GPRC5C: variants seen among roughly 807,000 people sequenced by gnomAD.
GPRC5C encodes the protein G protein-coupled receptor class C group 5 member C, also known as G protein-coupled receptor family C group 5 member C.
A neutral mutation model predicts 31.4 loss-of-function variants in GPRC5C; 22 were observed. That is an observed-to-expected ratio of 0.70 (90% CI 0.50 to 1.00). GPRC5C has a LOEUF of 1.00. Among genes scored for constraint, GPRC5C ranks in the 50% least tolerant of loss-of-function variants. The pLI, the probability that GPRC5C is intolerant of heterozygous loss-of-function variation, is 0.00. For missense variants in GPRC5C, 557 were observed against 597.2 expected, an observed-to-expected ratio of 0.93 and a Z score of 0.70; for synonymous variants, 249 against 257.5, an observed-to-expected ratio of 0.97 and a Z score of 0.32.
intron 1 of GPRC5C, 40 bp downstream of exon 1, chr17:74,432,181 G>A (rs751059145): frequency 1.3e-6 from 2 of 1,589,932 alleles, no homozygotes; most frequent in South Asian, 1.1e-5. Flanking sequence ...CTTTGTTCCT[G>A]TGTAAACGGA....
intron 3 of GPRC5C, chr17:74,446,563 T>C (rs574968297): frequency 8.8e-5 from 32 of 362,082 alleles, no homozygotes; most frequent in African/African-American, 6.0e-4. Flanking sequence ...CCCTAAACAA[T>C]TGGAAGTAGG....
At chr17:74,435,666 CA>C (rs2055422783) in intron 1 of GPRC5C, among the ~76,000 whole-genome samples, 1 of 152,164 alleles carries the variant, frequency 6.6e-6, no homozygotes, top group Non-Finnish European at 1.5e-5. Context: ...ACCACAAAAT[CA>C]GGGGGAAACT....
At chr17:74,432,205 G>GTAA in intron 1 of GPRC5C, 64 bp downstream of exon 1, 2 of 1,563,782 alleles carry the variant, frequency 1.3e-6, no homozygotes, top group Non-Finnish European at 1.7e-6. Flanking sequence ...CACGTACCTG[G>GTAA]AGCGCGGCGG....
intron 2 of GPRC5C, among the ~76,000 whole-genome samples, chr17:74,441,945 A>G (rs1254032529): frequency 6.6e-6 from 1 of 152,216 alleles, no homozygotes; most frequent in African/African-American, 2.4e-5. Flanking sequence ...TCTATTATGT[A>G]TGTATCCATA....
intron 1 of GPRC5C, chr17:74,432,574 C>G: frequency 1.0e-6 from 1 of 956,496 alleles, no homozygotes; most frequent in South Asian, 4.8e-5. Flanking sequence ...CGGGTCGGGA[C>G]GGCGGGGAGT....
downstream of GPRC5C, among the ~76,000 whole-genome samples, chr17:74,448,280 A>C (rs143385604): frequency 1.3e-3 from 202 of 152,344 alleles, 2 homozygotes; most frequent in African/African-American, 4.5e-3. Flanking sequence ...CTGCCTGGGC[A>C]ACAGAGCGAG....
chr17:74,449,502 C>T, downstream of GPRC5C: 1 of 446,220 alleles, frequency 2.2e-6, no homozygotes. Context: ...AAGCAGTGGA[C>T]CGAGTGGGCC....
At chr17:74,438,057 A>G (rs2055460695) in intron 1 of GPRC5C, among the ~76,000 whole-genome samples, 1 of 150,392 alleles carries the variant, frequency 6.6e-6, no homozygotes, top group African/African-American at 2.5e-5. Context: ...TTTTTTTGGA[A>G]ACAGTCTCGC....
downstream of GPRC5C, among the ~76,000 whole-genome samples, chr17:74,448,446 C>T (rs1395169935): frequency 1.3e-5 from 2 of 152,108 alleles, no homozygotes; most frequent in South Asian, 2.1e-4. Flanking sequence ...GGCACAATCT[C>T]GGCTCACTGC....
At chr17:74,435,985 C>G (rs1220858443) in intron 1 of GPRC5C, among the ~76,000 whole-genome samples, 6 of 152,206 alleles carry the variant, frequency 3.9e-5, no homozygotes, top group African/African-American at 1.4e-4. Flanking sequence ...GACCTTTAAA[C>G]TGGAATGAAT....
At chr17:74,432,458 C>A in intron 1 of GPRC5C, 1 of 1,083,736 alleles carries the variant, frequency 9.2e-7, no homozygotes, top group Non-Finnish European at 1.1e-6. Flanking sequence ...CCCCCGCCCG[C>A]CCCCCGCCTG....
rs766562813 is a variant in GPRC5C, at chr17:74,443,696, C to T, written c.1052-122C>T. 4.8e-6 allele frequency: 4 copies of T among 825,364 alleles called. No homozygotes were observed. The South Asian group carries it at 5.5e-5, about 11-fold the overall frequency. The allele number at this position is 825,364 out of a possible 1,614,324, so 51.1% of individuals were successfully genotyped here. ...GCCACTCCTGGGTTAGAGACTATGC[C>T]AGGGTTGGCCTGCCCCCTTTACCTC... On this transcript the variant is annotated intron_variant, in intron 2 of 3. Coordinates refer to ENST00000392627, the MANE Select transcript of GPRC5C (RefSeq NM_022036.4).
chr17:74,434,269 C>A (rs541460272), intron 1 of GPRC5C, among the ~76,000 whole-genome samples: 16 of 152,312 alleles, frequency 1.1e-4, no homozygotes, highest in African/African-American at 3.8e-4. Context: ...CCTCCTACCC[C>A]CCTCCTTGAA....
At chr17:74,434,323 G>A (rs2055400941) in intron 1 of GPRC5C, among the ~76,000 whole-genome samples, 1 of 152,168 alleles carries the variant, frequency 6.6e-6, no homozygotes, top group South Asian at 2.1e-4. Context: ...CCAACATGGA[G>A]GGGACAACCC....
chr17:74,446,831 G>A lies in GPRC5C; in HGVS notation c.1147-18G>A, dbSNP rs960074566. On this transcript the variant is annotated intron_variant, in intron 3 of 3. Coordinates refer to ENST00000392627, the MANE Select transcript of GPRC5C (RefSeq NM_022036.4). ...GCTCCCAATCCCCGACTGTGAGACC[G>A]CCTGTTCTTCCTTCCAGTCCGAAGG... 6.3e-6 allele frequency: 10 copies of A among 1,588,462 alleles called. No individual in the cohort carries two copies. The highest frequency in any genetic ancestry group is 4.5e-5 in the East Asian group (2 of 44,354).
intron 2 of GPRC5C, 148 bp from the exon 3 acceptor site, chr17:74,443,669 TG>T (rs3840056): frequency 0.71 from 517,752 of 733,678 alleles, 192,236 homozygotes; most frequent in East Asian, 0.78. Context: ...ACCCCCAAGT[TG>T]GCCACTCCTG....
rs200358246 is a variant in GPRC5C, at chr17:74,445,991, C to CCGG, written c.1147-857_1147-856insGGC. On this transcript the variant is annotated intron_variant, in intron 3 of 3. Coordinates refer to ENST00000392627, the MANE Select transcript of GPRC5C (RefSeq NM_022036.4). ...CCTGGCAACGTAGTGAGACCCCCCC[C>CCGG]CCCCGCCCACCATCTCTACAAAAAA... The CCGG allele has an allele frequency of 8.9e-5, 5 of 56,242 alleles. 1 individual carries two copies. The highest frequency in any genetic ancestry group is 6.6e-4 in the Admixed American group (3 of 4,512). The allele number at this position is 56,242 out of a possible 1,614,324, so 3.5% of individuals were successfully genotyped here. A position where few individuals can be genotyped will look rare whatever the true frequency, so the allele number is the denominator to read the frequency against.
chr17:74,443,229 T>A (rs1165078721), intron 2 of GPRC5C: 1 of 220,684 alleles, frequency 4.5e-6, no homozygotes, highest in Non-Finnish European at 9.1e-6. Context: ...GAAGTATCCC[T>A]GGAGCTAAAA....
At chr17:74,445,983 A>AC (rs374992973) in intron 3 of GPRC5C, 103 of 5,120 alleles carry the variant, frequency 0.02, no homozygotes, top group African/African-American at 0.038. Flanking sequence ...ACGTAGTGAG[A>AC]CCCCCCCCCC....
Sources: gnomAD v4.1 joint callset for allele counts (sites outside exome capture counted in the v4.1 genomes callset) on GRCh38, gnomAD v4.1.1 for gene constraint, MANE v1.5 for transcripts, NCBI Gene and HGNC (gene_info 2026-07-23, HGNC 2026-07-21) for gene names.